The following ORC3 variants were observed in gnomAD, a reference collection of about 807,000 sequenced individuals.
ORC3 encodes the protein origin recognition complex subunit 3.
A neutral mutation model predicts 100.7 loss-of-function variants in ORC3; 78 were observed. The ratio of observed to expected loss-of-function variants is 0.77; its 90% CI spans 0.65 to 0.94. The LOEUF (loss-of-function observed/expected upper bound fraction) is 0.94, where lower values mean the gene tolerates loss of function less well. Ranked by LOEUF, ORC3 falls within the 40% of genes least tolerant of loss-of-function variation. ORC3 has a pLI of 0.00. For synonymous variants in ORC3, 295 were observed against 289.3 expected, an observed-to-expected ratio of 1.02 and a Z score of -0.20; for missense variants, 789 against 823.9, an observed-to-expected ratio of 0.96 and a Z score of 0.52.
intron 17 of ORC3, among the ~76,000 whole-genome samples, chr6:87,663,676 G>A (rs1301403035): frequency 6.6e-6 from 1 of 152,216 alleles, no homozygotes; most frequent in African/African-American, 2.4e-5. Context: ...GCACACTTCA[G>A]CTGCCCTTGC....
At chr6:87,620,884 T>A (rs4707383) in intron 9 of ORC3, among the ~76,000 whole-genome samples, 91,128 of 152,000 alleles carry the variant, frequency 0.6, 27,942 homozygotes, top group African/African-American at 0.72. Flanking sequence ...AATTAATTTG[T>A]AAAGATAAAT....
At position 87,663,110 on chromosome 6, in the gene ORC3, A is replaced by AT; in HGVS notation, c.1800dup (p.Thr601TyrfsTer13). The AT allele has an allele frequency of 6.2e-7, 1 of 1,612,976 alleles. No individual in the cohort carries two copies. On this transcript the variant is annotated frameshift_variant, in exon 17 of 20. Transcript: ENST00000392844. LOFTEE classifies it high-confidence loss of function. ...AATGCTGCTCCGCGAATTGCCCTCC[A>AT]TACTGCACTCAACAATCCTTACTAT... is the stretch of plus-strand genomic sequence containing the variant.
At chr6:87,610,752 A>G (rs1778696618) in intron 7 of ORC3, among the ~76,000 whole-genome samples, 1 of 143,944 alleles carries the variant, frequency 6.9e-6, no homozygotes, top group Admixed American at 6.9e-5. Flanking sequence ...ACGGGGTTTC[A>G]CCTTGTTAGC....
intron 9 of ORC3, among the ~76,000 whole-genome samples, chr6:87,618,924 TGA>T (rs1779351357): frequency 1.3e-5 from 2 of 152,310 alleles, no homozygotes; most frequent in African/African-American, 4.8e-5. Context: ...GAGAAAAGGA[TGA>T]GTTTCTTTTT....
rs372029188 is a variant in ORC3 at position 87,665,852 on chromosome 6, T to G, written c.2030+19T>G. The G allele has an allele frequency of 3.5e-6, 5 of 1,422,676 alleles. No individual in the cohort carries two copies. In the African/African-American group the frequency reaches 5.6e-5, roughly 16 times the overall value. The allele number at this position is 1,422,676 out of a possible 1,614,324, so 88.1% of individuals were successfully genotyped here. ...TTATCCAGTATCCTTTTAAAACCAT[T>G]TCTACAATGTCCAACTACACATAAA... On this transcript the variant is annotated intron_variant, in intron 19 of 19. Coordinates refer to ENST00000392844, the MANE Select transcript of ORC3 (RefSeq NM_012381.4).
In ORC3 at chr6:87,667,066, A is replaced by T; in HGVS notation, c.2079A>T (p.Ile693=). 6.2e-7 allele frequency: 1 copy of T among 1,612,714 alleles called. No individual in the cohort carries two copies. The highest frequency in any genetic ancestry group is 8.5e-7 in the Non-Finnish European group (1 of 1,179,556). The change falls in exon 20 of 20, where the codon ATA becomes ATT. Residue 693 remains isoleucine, a synonymous_variant. Transcript: ENST00000392844. ...CTGAACTAGAACTTTTAGGATTTAT[A>T]AAACCTACCAAACAGAAGACTGACC... is the stretch of plus-strand genomic sequence containing the variant. ...AVSELELLGF[I]KPTKQKTDHV...
chr6:87,663,472 A>G (rs974608547), intron 17 of ORC3, among the ~76,000 whole-genome samples: 2 of 152,272 alleles, frequency 1.3e-5, no homozygotes, highest in South Asian at 2.1e-4. Flanking sequence ...TCCTGTAAAC[A>G]TAACAGCAGA....
chr6:87,628,508 A>T (rs1353787392), intron 11 of ORC3, among the ~76,000 whole-genome samples: 2 of 152,192 alleles, frequency 1.3e-5, no homozygotes, highest in Non-Finnish European at 2.9e-5. Flanking sequence ...TTGAAGTTTT[A>T]TTATTCTTAC....
At chr6:87,651,683 TTTG>T (rs927740958) in intron 13 of ORC3, among the ~76,000 whole-genome samples, 21 of 152,290 alleles carry the variant, frequency 1.4e-4, no homozygotes, top group African/African-American at 1.9e-4. Context: ...TTGTCTACTT[TTTG>T]TTGTTGTTGT....
intron 2 of ORC3, among the ~76,000 whole-genome samples, chr6:87,594,781 A>T (rs1777308040): frequency 6.6e-6 from 1 of 152,218 alleles, no homozygotes; most frequent in Admixed American, 6.5e-5. Context: ...AAAACAATAA[A>T]GGCTGACTGG....
At chr6:87,674,865 T>C in the ORC3 span, among the ~76,000 whole-genome samples, 1 of 151,946 alleles carries the variant, frequency 6.6e-6, no homozygotes, top group East Asian at 1.9e-4. Context: ...AATGCTTACG[T>C]TTTAAAACAC....
At chr6:87,631,519 A>ATC (rs958239975) in intron 11 of ORC3, among the ~76,000 whole-genome samples, 69 of 151,890 alleles carry the variant, frequency 4.5e-4, no homozygotes, top group African/African-American at 1.6e-3. Context: ...TTGAGATGGA[A>ATC]TCTCACTCTG....
rs1024897175 is a variant in ORC3 at position 87,637,510 on chromosome 6, A to G, written c.1382+1024A>G. 2.0e-4 allele frequency among the ~76,000 whole-genome samples: 30 copies of G among 152,328 alleles called. 1 individual carries two copies. Among genetic ancestry groups the G allele is most frequent in the Admixed American group, 6.5e-4 (10 of 15,310 alleles). On this transcript the variant is annotated intron_variant, in intron 13 of 19. Coordinates refer to ENST00000392844, the MANE Select transcript of ORC3 (RefSeq NM_012381.4). ...CCCATAAGGAAACCAAAAAATCCCA[A>G]TAAGATTTCTATGTATTTATAAGCT...
chr6:87,676,382 C>T, the ORC3 span, among the ~76,000 whole-genome samples: 4 of 132,512 alleles, frequency 3.0e-5, no homozygotes, highest in African/African-American at 1.2e-4. Context: ...AGGAGAATGG[C>T]GTGAACCCAG....
intron 11 of ORC3, among the ~76,000 whole-genome samples, chr6:87,622,229 A>T (rs1779589669): frequency 6.6e-6 from 1 of 152,132 alleles, no homozygotes; most frequent in South Asian, 2.1e-4. Flanking sequence ...AAGAAAAAAT[A>T]TTAAACACCA....
chr6:87,614,331 C>T (rs921374028), intron 8 of ORC3, among the ~76,000 whole-genome samples: 5 of 152,196 alleles, frequency 3.3e-5, no homozygotes, highest in African/African-American at 1.2e-4. Context: ...ACTCTGGGCC[C>T]AGCCCGTGAA....
At chr6:87,604,280 C>T (rs1336180954) in intron 4 of ORC3, among the ~76,000 whole-genome samples, 4 of 152,174 alleles carry the variant, frequency 2.6e-5, no homozygotes. Context: ...TTCTCAACCT[C>T]AATGCACCCA....
intron 7 of ORC3, among the ~76,000 whole-genome samples, chr6:87,610,937 T>TTC (rs1554239281): frequency 1.4e-5 from 2 of 144,062 alleles, no homozygotes; most frequent in Non-Finnish European, 3.1e-5. Flanking sequence ...GACTTTTCTT[T>TTC]TTTTTTTTTT....
intron 18 of ORC3, 61 bp from the exon 19 acceptor site, chr6:87,665,693 A>C: frequency 2.2e-6 from 2 of 913,580 alleles, no homozygotes; most frequent in Admixed American, 2.0e-5. Flanking sequence ...AAAGAAGTAT[A>C]GTAAAAGATG....
Sources: gnomAD v4.1 joint callset for allele counts (sites outside exome capture counted in the v4.1 genomes callset) on GRCh38, gnomAD v4.1.1 for gene constraint, MANE v1.5 for transcripts, NCBI Gene and HGNC (gene_info 2026-07-23, HGNC 2026-07-21) for gene names.